SKI: variants seen among roughly 807,000 people sequenced by gnomAD.
SKI encodes the protein ski oncogene.
A neutral mutation model predicts 59.3 loss-of-function variants in SKI; 23 were observed. That is an observed-to-expected ratio of 0.39 (90% CI 0.28 to 0.55). The LOEUF is 0.55. Among genes scored for constraint, SKI ranks in the 20% least tolerant of loss-of-function variants. SKI has a pLI of 0.67. For synonymous variants in SKI, 673 were observed against 488.6 expected (o/e 1.38, Z -4.98); for missense variants, 1,017 against 1,038.9 (o/e 0.98, Z 0.29).
At chr1:2,250,020 T>G (rs1208150446) in intron 1 of SKI, among the ~76,000 whole-genome samples, 1 of 152,168 alleles carries the variant, frequency 6.6e-6, no homozygotes, top group Non-Finnish European at 1.5e-5. Context: ...TTCTCCTGCC[T>G]CAGCCTCCCG....
chr1:2,303,286 G>A lies in SKI; in HGVS notation c.1097G>A (p.Ser366Asn), dbSNP rs745884494. Reference sequence around the variant, plus strand: ...ACACAGACAACTCTTTCTCGACAGAGCCTGGGCTGTGTTCACCCTCGCCAG... The same window carrying A: ...ACACAGACAACTCTTTCTCGACAGAACCTGGGCTGTGTTCACCCTCGCCAG... ...LRTLAGSSNK[S>N]LGCVHPRQRL... Residue 366 changes from serine (S) to asparagine (N), a missense_variant and splice_region_variant, in exon 3 of 7, where the codon AGC becomes AAC. By Grantham distance (46) the Ser-to-Asn change is conservative. Transcript: ENST00000378536. The surrounding 1 kb of genome is among the most constrained non-coding windows in gnomAD (Gnocchi z 5.6). 3.7e-6 allele frequency: 6 copies of A among 1,613,430 alleles called. No homozygotes were observed. The highest frequency in any genetic ancestry group is 3.4e-6 in the Non-Finnish European group (4 of 1,179,990).
intron 1 of SKI, among the ~76,000 whole-genome samples, chr1:2,236,637 CCT>C (rs1638754842): frequency 6.6e-6 from 1 of 152,158 alleles, no homozygotes; most frequent in Admixed American, 6.5e-5. Flanking sequence ...CATCTCCTGA[CCT>C]CTTGATCTGC....
intron 5 of SKI, among the ~76,000 whole-genome samples, chr1:2,305,083 G>A (rs1640533887): frequency 6.6e-6 from 1 of 152,218 alleles, no homozygotes; most frequent in Admixed American, 6.5e-5. Context: ...GTTCCAGAAG[G>A]CGGCTCCCGC....
At chr1:2,233,739 C>T (rs1032995296) in intron 1 of SKI, among the ~76,000 whole-genome samples, 1 of 152,064 alleles carries the variant, frequency 6.6e-6, no homozygotes, top group Non-Finnish European at 1.5e-5. Context: ...AATGACTGAG[C>T]TTGTGGAGGC....
chr1:2,249,651 G>T lies in SKI; in HGVS notation c.969+19916G>T, dbSNP rs1639078773. 2.6e-5 allele frequency among the ~76,000 whole-genome samples: 4 copies of T among 152,344 alleles called. No homozygotes were observed. In the South Asian group the frequency reaches 8.3e-4, roughly 32 times the overall value. ...ACCTGCTGCTGTTGGGGCCAAAAGC[G>T]TGGAGGAGGGAAGAGCCAGCACAGA... On this transcript the variant is annotated intron_variant, in intron 1 of 6. Coordinates refer to ENST00000378536, the MANE Select transcript of SKI (RefSeq NM_003036.4).
chr1:2,229,872 A>G lies in SKI; in HGVS notation c.969+137A>G, dbSNP rs1178968303. The G allele has an allele frequency of 1.4e-6, 2 of 1,465,472 alleles. No individual in the cohort carries two copies. Among genetic ancestry groups the G allele is most frequent in the African/African-American group, 1.4e-5 (1 of 70,640 alleles). 90.8% of individuals were successfully genotyped at this position (1,465,472 alleles called of 1,614,324 possible). ...ATGTCTCCAGTCTTCGCTTTGTTTT[A>G]GGGAAATTCAGAGTGTTCCGACTGG... On this transcript the variant is annotated intron_variant, in intron 1 of 6. Transcript: ENST00000378536. The surrounding 1 kb of genome is among the most constrained non-coding windows in gnomAD (Gnocchi z 6.3).
At chr1:2,262,584 C>T (rs1275046479) in intron 1 of SKI, among the ~76,000 whole-genome samples, 2 of 152,264 alleles carry the variant, frequency 1.3e-5, no homozygotes, top group South Asian at 4.2e-4. Flanking sequence ...GGCGTGGACG[C>T]CCTTGCTCCT....
intron 1 of SKI, among the ~76,000 whole-genome samples, chr1:2,261,119 A>G (rs975440494): frequency 1.3e-5 from 2 of 152,212 alleles, no homozygotes; most frequent in African/African-American, 4.8e-5. Context: ...AGCTGTGCAG[A>G]TGTGTATTCA....
Position 2,269,290 on chromosome 1 carries a change from C to G in SKI, c.970-33688C>G, listed in dbSNP as rs1450886589. Among the ~76,000 whole-genome samples the G allele has an allele frequency of 6.6e-6, 1 of 152,198 alleles. No homozygotes were observed. Among genetic ancestry groups the G allele is most frequent in the Non-Finnish European group, 1.5e-5 (1 of 68,030 alleles). ...CAGATCCAGCCCTGGGAAGAAAGCA[C>G]CGCTGGCCATGACTGGGCAGAGCCA... On this transcript the variant is annotated intron_variant, in intron 1 of 6. Transcript: ENST00000378536. The surrounding 1 kb of genome is among the most constrained non-coding windows in gnomAD (Gnocchi z 4.7).
At chr1:2,257,991 G>A (rs897024022) in intron 1 of SKI, among the ~76,000 whole-genome samples, 5 of 152,204 alleles carry the variant, frequency 3.3e-5, no homozygotes, top group Non-Finnish European at 1.5e-5. Context: ...GCCCGCCTCA[G>A]CCTCCCAAAG....
At chr1:2,262,720 A>G (rs1336203531) in intron 1 of SKI, among the ~76,000 whole-genome samples, 1 of 151,980 alleles carries the variant, frequency 6.6e-6, no homozygotes, top group African/African-American at 2.4e-5. Context: ...GGGTTTTGTC[A>G]GGTGTTTTTT....
At chr1:2,252,769 A>G (rs1369029757) in intron 1 of SKI, among the ~76,000 whole-genome samples, 1 of 152,070 alleles carries the variant, frequency 6.6e-6, no homozygotes, top group East Asian at 1.9e-4. Context: ...GTCCCAGCGC[A>G]TCCGTGGAAG....
chr1:2,246,575 C>T (rs369326212), intron 1 of SKI, among the ~76,000 whole-genome samples: 5 of 152,298 alleles, frequency 3.3e-5, no homozygotes, highest in South Asian at 4.1e-4. Flanking sequence ...TAAGAGGAGA[C>T]GCTCTGTGAG....
In SKI at chr1:2,303,508, C is replaced by T; in HGVS notation, c.1211+108C>T. 9.8e-7 allele frequency: 1 copy of T among 1,015,456 alleles called. No individual in the cohort carries two copies. Among genetic ancestry groups the T allele is most frequent in the African/African-American group, 1.6e-5 (1 of 62,882 alleles). 62.9% of individuals were successfully genotyped at this position (1,015,456 alleles called of 1,614,324 possible). A position where few individuals can be genotyped will look rare whatever the true frequency, so the allele number is the denominator to read the frequency against. On this transcript the variant is annotated intron_variant, in intron 3 of 6. Coordinates refer to ENST00000378536, the MANE Select transcript of SKI (RefSeq NM_003036.4). This position sits in a 1 kb window ranked among gnomAD's most constrained non-coding sequence, Gnocchi z 5.6. Reference sequence around the variant, plus strand: ...GCAGGCTGGGTGCCCAGACCTGCCGCCTTTTGGTCAGGGCAGTCTCGGTGT... The same window carrying T: ...GCAGGCTGGGTGCCCAGACCTGCCGTCTTTTGGTCAGGGCAGTCTCGGTGT...
intron 1 of SKI, among the ~76,000 whole-genome samples, chr1:2,245,390 G>T (rs1277497161): frequency 6.6e-6 from 1 of 152,196 alleles, no homozygotes; most frequent in East Asian, 1.9e-4. Context: ...GTGAGCACGG[G>T]TGCACAGTGA....
chr1:2,231,312 T>G (rs1638633472), intron 1 of SKI, among the ~76,000 whole-genome samples: 1 of 152,166 alleles, frequency 6.6e-6, no homozygotes, highest in African/African-American at 2.4e-5. Flanking sequence ...CGTCACTGTC[T>G]TCAGAGCTGA....
Position 2,304,604 on chromosome 1 carries a change from G to A in SKI, c.1767+19G>A. On this transcript the variant is annotated intron_variant, in intron 5 of 6. Coordinates refer to ENST00000378536, the MANE Select transcript of SKI (RefSeq NM_003036.4). The stretch of plus-strand genomic sequence containing the variant: ...CCACCAGGTGAGCGGGGCGAGTGGT[G>A]CTGGGAGGTCCAGGGCACGGGCAGT... 6.5e-7 allele frequency: 1 copy of A among 1,537,198 alleles called. No homozygotes were observed. The highest frequency in any genetic ancestry group is 8.8e-7 in the Non-Finnish European group (1 of 1,139,106).
intron 1 of SKI, among the ~76,000 whole-genome samples, chr1:2,239,914 G>A (rs1426192743): frequency 6.6e-6 from 1 of 152,224 alleles, no homozygotes; most frequent in Non-Finnish European, 1.5e-5. Context: ...CGTCCTTTGC[G>A]GGTCCCCGTA....
chr1:2,238,257 C>T (rs893645548), intron 1 of SKI, among the ~76,000 whole-genome samples: 15 of 152,264 alleles, frequency 9.9e-5, no homozygotes, highest in Non-Finnish European at 1.8e-4. Flanking sequence ...GAAGCCTCTG[C>T]GTGGCAGTGG....
Sources: gnomAD v4.1 joint callset for allele counts (sites outside exome capture counted in the v4.1 genomes callset) on GRCh38, gnomAD v4.1.1 for gene constraint, Gnocchi (gnomAD v3.1) non-coding constraint, MANE v1.5 for transcripts, NCBI Gene and HGNC (gene_info 2026-07-23, HGNC 2026-07-21) for gene names.